Variants in SEPTIN10 observed in about 807,000 individuals in gnomAD.
SEPTIN10 encodes the protein septin-10.
SEPTIN10 carries 66 observed loss-of-function variants against 54.8 expected under a neutral mutation model. The ratio of observed to expected loss-of-function variants is 1.21; its 90% CI spans 0.99 to 1.48. The LOEUF is 1.48. SEPTIN10 is among the 40% of genes most tolerant of loss of function. The probability of loss-of-function intolerance (pLI) is 0.00; values close to 1 mark genes in which losing one functional copy is unlikely to be tolerated. For synonymous variants in SEPTIN10, 161 were observed against 181.0 expected (o/e 0.89, Z 0.89); for missense variants, 620 against 545.6 (o/e 1.14, Z -1.36).
chr2:109,549,170 C>A (rs1682173885), intron 9 of SEPTIN10, among the ~76,000 whole-genome samples: 3 of 152,138 alleles, frequency 2.0e-5, no homozygotes, highest in Non-Finnish European at 1.5e-5. Flanking sequence ...CAAAGAGTGG[C>A]AGTTCTCTGC....
rs769162505 is a variant in SEPTIN10 at position 109,581,474 on chromosome 2, A to G, written c.413+3652T>C. On this transcript the variant is annotated intron_variant, in intron 4 of 10. Transcript: ENST00000397712. Reference sequence around the variant, plus strand: ...AAAAAAAATCAGTAAAGTTTATTCTATGTACAGTATATATTAATAAAGCTT... The same window carrying G: ...AAAAAAAATCAGTAAAGTTTATTCTGTGTACAGTATATATTAATAAAGCTT... 4.6e-5 allele frequency among the ~76,000 whole-genome samples: 7 copies of G among 151,804 alleles called. No individual in the cohort carries two copies. In the South Asian group the frequency reaches 6.2e-4, roughly 13 times the overall value.
At chr2:109,574,332 G>C (rs1326872372) in intron 5 of SEPTIN10, among the ~76,000 whole-genome samples, 2 of 150,512 alleles carry the variant, frequency 1.3e-5, no homozygotes, top group Non-Finnish European at 1.5e-5. Flanking sequence ...TATAGTCCCA[G>C]CTACCTGGGA....
intron 1 of SEPTIN10, among the ~76,000 whole-genome samples, chr2:109,599,458 CAA>C (rs55670927): frequency 3.9e-4 from 25 of 63,298 alleles, no homozygotes; most frequent in Admixed American, 5.1e-4. Flanking sequence ...ACTCAGTCTC[CAA>C]AAAAAAAAAA....
In SEPTIN10 at chr2:109,545,985, A is replaced by T. The variant is rs1681119111; in HGVS notation, c.1349+65T>A. 5.3e-6 allele frequency: 8 copies of T among 1,509,348 alleles called. No individual in the cohort carries two copies. In the Admixed American group the frequency reaches 9.3e-5, roughly 18 times the overall value. 93.5% of individuals were successfully genotyped at this position (1,509,348 alleles called of 1,614,324 possible). On this transcript the variant is annotated intron_variant, in intron 10 of 10. Transcript: ENST00000397712. ...GAAGCAGAAGTAAGAAGCGCTAGGA[A>T]GATCCGACAGGGCAATGTGACAAGT...
At chr2:109,555,321 A>T (rs1327452851) in intron 8 of SEPTIN10, among the ~76,000 whole-genome samples, 1 of 151,976 alleles carries the variant, frequency 6.6e-6, no homozygotes, top group Non-Finnish European at 1.5e-5. Context: ...AGCCACACCA[A>T]CCTGTTCATT....
intron 1 of SEPTIN10, among the ~76,000 whole-genome samples, chr2:109,597,580 A>C (rs1462229245): frequency 6.6e-6 from 1 of 152,182 alleles, no homozygotes; most frequent in African/African-American, 2.4e-5. Flanking sequence ...TTGACTACAC[A>C]GTCAATTTGC....
At chr2:109,563,103 G>A (rs1018133033) in intron 8 of SEPTIN10, among the ~76,000 whole-genome samples, 2 of 152,048 alleles carry the variant, frequency 1.3e-5, no homozygotes, top group African/African-American at 4.8e-5. Context: ...TAAAGACGGG[G>A]TTTCACCATG....
intron 2 of SEPTIN10, among the ~76,000 whole-genome samples, chr2:109,590,073 CAT>C (rs1011834875): frequency 2.3e-4 from 34 of 146,794 alleles, no homozygotes; most frequent in African/African-American, 7.9e-4. Flanking sequence ...TATACACACA[CAT>C]ATATATGTAT....
At chr2:109,602,501 C>A (rs1456830481) in intron 1 of SEPTIN10, among the ~76,000 whole-genome samples, 3 of 152,022 alleles carry the variant, frequency 2.0e-5, no homozygotes, top group African/African-American at 7.2e-5. Context: ...AATGGTGAAA[C>A]CCCATCTCTA....
rs1351793554 is a variant in SEPTIN10 at position 109,574,701 on chromosome 2, A to C, written c.480T>G (p.Ile160Met). 3.7e-6 allele frequency: 6 copies of C among 1,607,916 alleles called. No homozygotes were observed. The highest frequency in any genetic ancestry group is 2.7e-5 in the African/African-American group (2 of 74,630). ...CATGGTAGGTAAAGAGAGAACGCTT[A>C]ATCTTCAGTTCTTCTTGGAGATAGG... ...FEAYLQEELK[I>M]KRSLFTYHDS... Residue 160 changes from isoleucine (I) to methionine (M), a missense_variant, in exon 5 of 11, where the codon ATT becomes ATG. Coordinates refer to ENST00000397712, the MANE Select transcript of SEPTIN10 (RefSeq NM_144710.5).
At position 109,585,321 on chromosome 2, in the gene SEPTIN10, C is replaced by T. The variant is rs1420379192; in HGVS notation, c.218G>A (p.Gly73Glu). ...QGFCFNILCV[G>E]ETGIGKSTLI... ...TGTTGATTTTCCAATTCCAGTTTCC[C>T]CTGAAACACACAAAGGTACATCTTT... is the stretch of plus-strand genomic sequence containing the variant. Residue 73 changes from glycine to glutamate, a missense_variant and splice_region_variant, in exon 4 of 11, where the codon GGG becomes GAG. Coordinates refer to ENST00000397712, the MANE Select transcript of SEPTIN10 (RefSeq NM_144710.5). The T allele has an allele frequency of 1.9e-5, 30 of 1,595,474 alleles. No individual in the cohort carries two copies. The highest frequency in any genetic ancestry group is 2.5e-5 in the Non-Finnish European group (29 of 1,170,766).
At chr2:109,610,756 G>A (rs938530841) in intron 1 of SEPTIN10, among the ~76,000 whole-genome samples, 1 of 152,106 alleles carries the variant, frequency 6.6e-6, no homozygotes, top group Non-Finnish European at 1.5e-5. Flanking sequence ...CTATGTACAT[G>A]AGTTAGAAGA....
At chr2:109,571,231 T>C (rs1688307140) in intron 5 of SEPTIN10, among the ~76,000 whole-genome samples, 1 of 152,230 alleles carries the variant, frequency 6.6e-6, no homozygotes, top group Admixed American at 6.5e-5. Flanking sequence ...TTAAACCTCT[T>C]TTCTTCATAA....
chr2:109,561,701 T>G (rs965786280), intron 8 of SEPTIN10, among the ~76,000 whole-genome samples: 5 of 152,196 alleles, frequency 3.3e-5, no homozygotes, highest in African/African-American at 7.2e-5. Context: ...CTAAACTCTC[T>G]GATTCCCATC....
intron 9 of SEPTIN10, among the ~76,000 whole-genome samples, chr2:109,550,528 G>A (rs900570215): frequency 1.3e-5 from 2 of 151,896 alleles, no homozygotes; most frequent in African/African-American, 4.8e-5. Flanking sequence ...TGACCAGGCT[G>A]GTCTCAAACT....
At chr2:109,589,501 G>T (rs1330518555) in intron 2 of SEPTIN10, among the ~76,000 whole-genome samples, 2 of 151,954 alleles carry the variant, frequency 1.3e-5, no homozygotes, top group African/African-American at 4.8e-5. Context: ...CTGTGCTCCA[G>T]CCTGGAAGAC....
intron 2 of SEPTIN10, among the ~76,000 whole-genome samples, chr2:109,590,403 C>A (rs1374749559): frequency 6.6e-6 from 1 of 151,598 alleles, no homozygotes; most frequent in African/African-American, 2.4e-5. Context: ...CCTGGTTGGG[C>A]CTGACCTAAT....
chr2:109,566,113 A>T (rs1419929724), intron 6 of SEPTIN10, among the ~76,000 whole-genome samples: 3 of 151,796 alleles, frequency 2.0e-5, no homozygotes, highest in Admixed American at 6.6e-5. Flanking sequence ...AACAAAAAAA[A>T]TTTATTTATT....
At chr2:109,594,504 G>A (rs1553445104) in intron 1 of SEPTIN10, among the ~76,000 whole-genome samples, 1 of 152,094 alleles carries the variant, frequency 6.6e-6, no homozygotes, top group Non-Finnish European at 1.5e-5. Flanking sequence ...AGACTGTTTC[G>A]CAGTAGTATT....
Sources: allele counts gnomAD v4.1 joint callset (sites outside exome capture counted in the v4.1 genomes callset), GRCh38; gene constraint gnomAD v4.1.1; transcripts MANE v1.5; gene names NCBI Gene and HGNC (gene_info 2026-07-23, HGNC 2026-07-21).